JAKMIP3: variants seen among roughly 807,000 people sequenced by gnomAD.
JAKMIP3 encodes janus kinase and microtubule-interacting protein 3.
In JAKMIP3, 58 loss-of-function variants were observed where a neutral mutation model predicts 118.5. The ratio of observed to expected loss-of-function variants is 0.49; its 90% CI spans 0.40 to 0.61. The LOEUF is 0.61. Among genes scored for constraint, JAKMIP3 ranks in the 20% least tolerant of loss-of-function variants. The probability of loss-of-function intolerance (pLI) is 0.00; values close to 1 mark genes in which losing one functional copy is unlikely to be tolerated. For missense variants in JAKMIP3, 950 were observed against 1,109.0 expected (o/e 0.86, Z 2.04); for synonymous variants, 486 against 451.2 (o/e 1.08, Z -0.98).
chr10:132,134,084 C>A (rs942893659), intron 4 of JAKMIP3, among the ~76,000 whole-genome samples: 1 of 152,230 alleles, frequency 6.6e-6, no homozygotes, highest in Non-Finnish European at 1.5e-5. Context: ...CTGCCGACCA[C>A]CCCGGGCTGA....
At chr10:132,065,620 C>T (rs1326503777), upstream of JAKMIP3, among the ~76,000 whole-genome samples, 1 of 152,134 alleles carries the variant, frequency 6.6e-6, no homozygotes, top group East Asian at 1.9e-4. The surrounding 1 kb of genome is among the most constrained non-coding windows in gnomAD (Gnocchi z 5.6). Context: ...CGGGCCAACC[C>T]GGAGCCCAGG....
At chr10:132,153,881 C>T (rs41306932) in intron 18 of JAKMIP3, 32 bp from the exon 19 acceptor site, 31,696 of 1,612,792 alleles carry the variant, frequency 0.02, 593 homozygotes, top group South Asian at 0.077. Context: ...GTGGGACATC[C>T]GAGACCGAGG....
At chr10:132,139,497 AGT>A (rs1589921318) in intron 9 of JAKMIP3, among the ~76,000 whole-genome samples, 1 of 133,540 alleles carries the variant, frequency 7.5e-6, no homozygotes, top group Non-Finnish European at 1.7e-5. Context: ...AGAGTATGTG[AGT>A]GTGTATGTGT....
intron 12 of JAKMIP3, 122 bp downstream of exon 12, chr10:132,145,312 C>T (rs1290962854): frequency 5.2e-6 from 5 of 953,962 alleles, no homozygotes; most frequent in African/African-American, 1.6e-5. Flanking sequence ...CTCCTGGGCT[C>T]AAGCCATCCT....
intron 1 of JAKMIP3, among the ~76,000 whole-genome samples, chr10:132,057,977 C>T (rs767478803): frequency 2.0e-5 from 3 of 152,310 alleles, no homozygotes; most frequent in African/African-American, 4.8e-5. Flanking sequence ...CAATCAGGGC[C>T]GCATCCTGGG....
chr10:132,171,857 T>C (rs2136854318), intron 23 of JAKMIP3, among the ~76,000 whole-genome samples: 1 of 152,214 alleles, frequency 6.6e-6, no homozygotes, highest in Admixed American at 6.5e-5. Context: ...GGTTTCACCA[T>C]GTTGGCCAGG....
At chr10:132,159,542 G>T (rs1359815438) in intron 19 of JAKMIP3, among the ~76,000 whole-genome samples, 4 of 127,350 alleles carry the variant, frequency 3.1e-5, no homozygotes, top group African/African-American at 9.2e-5. Flanking sequence ...TGCTGGGAGG[G>T]TCTCTCCCTG....
chr10:132,153,972 C>A lies in JAKMIP3; in HGVS notation c.2202C>A (p.Ala734=). 6.2e-7 allele frequency: 1 copy of A among 1,613,024 alleles called. No individual in the cohort carries two copies. The highest frequency in any genetic ancestry group is 8.5e-7 in the Non-Finnish European group (1 of 1,179,852). Residue 734 remains alanine (A), a synonymous_variant, in exon 19 of 24, where the codon GCC becomes GCA. Coordinates refer to ENST00000684848, the MANE Select transcript of JAKMIP3 (RefSeq NM_001323087.2). ...LDEELDYRKQ[A]LDQANKHILE... is the part of the protein sequence containing the mutation. ...AGGAGCTGGACTACCGGAAACAGGC[C>A]TTGGACCAGGCCAACAAGGTGAGAG...
intron 12 of JAKMIP3, 27 bp downstream of exon 12, chr10:132,145,217 G>T (rs185403551): frequency 3.2e-6 from 5 of 1,568,142 alleles, no homozygotes; most frequent in East Asian, 4.5e-5. Flanking sequence ...CTGCACGGGC[G>T]TGGGGGCACA....
At chr10:132,113,500 A>T (rs559444090) in intron 2 of JAKMIP3, among the ~76,000 whole-genome samples, 16 of 152,342 alleles carry the variant, frequency 1.1e-4, no homozygotes, top group Non-Finnish European at 2.1e-4. Flanking sequence ...AGCCTGAGGA[A>T]ACTGCTAAGG....
At chr10:132,152,326 C>T (rs1310849398) in intron 16 of JAKMIP3, among the ~76,000 whole-genome samples, 1 of 152,178 alleles carries the variant, frequency 6.6e-6, no homozygotes, top group Non-Finnish European at 1.5e-5. Flanking sequence ...TCAGAGAGGC[C>T]CCACGAGCTG....
chr10:132,180,742 C>CGT lies in JAKMIP3; in HGVS notation c.*1104-1613_*1104-1612dup, dbSNP rs1262889146. Among the ~76,000 whole-genome samples the CGT allele has an allele frequency of 2.1e-3, 18 of 8,710 alleles. 4 individuals are homozygous for CGT. Among genetic ancestry groups the CGT allele is most frequent in the South Asian group, 6.3e-3 (2 of 316 alleles). The allele number at this position is 8,710 out of a possible 152,430, so 5.7% of individuals were successfully genotyped here. ...GTGCGTGTGTGTGCGTGTGTGCGTG[C>CGT]GTGCGCGCGCGTGTGTGCGTGTGTG... On this transcript the variant is annotated intron_variant, in intron 23 of 23. Transcript: ENST00000684848.
chr10:132,143,762 G>A (rs968155978), intron 11 of JAKMIP3: 38 of 152,218 alleles, frequency 2.5e-4, no homozygotes, highest in African/African-American at 8.7e-4. Context: ...GAGAGGACAG[G>A]CGTCTGAAGA....
intron 17 of JAKMIP3, 85 bp downstream of exon 17, chr10:132,153,108 G>A (rs959451668): frequency 8.6e-7 from 1 of 1,160,072 alleles, no homozygotes; most frequent in African/African-American, 1.5e-5. Flanking sequence ...GTGATCTCGG[G>A]AGGAGGGCCT....
upstream of JAKMIP3, among the ~76,000 whole-genome samples, chr10:132,065,824 G>A (rs1283844899): frequency 6.6e-6 from 1 of 152,116 alleles, no homozygotes; most frequent in Non-Finnish European, 1.5e-5. This position sits in a 1 kb window ranked among gnomAD's most constrained non-coding sequence, Gnocchi z 5.6. Flanking sequence ...GGGAGAGCTT[G>A]GGCGATCCTG....
chr10:132,157,931 A>G (rs2136308818), intron 19 of JAKMIP3, among the ~76,000 whole-genome samples: 1 of 152,280 alleles, frequency 6.6e-6, no homozygotes, highest in East Asian at 1.9e-4. Flanking sequence ...GTTTTATGGC[A>G]TAATTTCAAC....
At chr10:132,072,734 C>G (rs1337001685) in intron 1 of JAKMIP3, among the ~76,000 whole-genome samples, 1 of 151,348 alleles carries the variant, frequency 6.6e-6, no homozygotes, top group Non-Finnish European at 1.5e-5. Flanking sequence ...CATTCTTGGC[C>G]TCTATTCATT....
intron 1 of JAKMIP3, among the ~76,000 whole-genome samples, chr10:132,046,182 T>C (rs2379215): frequency 0.77 from 117,244 of 152,074 alleles, 45,757 homozygotes; most frequent in East Asian, 0.99. Flanking sequence ...GGGCCAGGTG[T>C]GGTGGCTCAT....
chr10:132,092,589 A>G (rs1219513912), intron 1 of JAKMIP3, among the ~76,000 whole-genome samples: 1 of 152,178 alleles, frequency 6.6e-6, no homozygotes, highest in Non-Finnish European at 1.5e-5. Context: ...TTTGTCACGT[A>G]GTTCTCGTGC....
Sources: allele counts gnomAD v4.1 joint callset (sites outside exome capture counted in the v4.1 genomes callset), GRCh38; gene constraint gnomAD v4.1.1; non-coding constraint Gnocchi (gnomAD v3.1); transcripts MANE v1.5; gene names NCBI Gene and HGNC (gene_info 2026-07-23, HGNC 2026-07-21).